AHRR: variants seen among roughly 807,000 people sequenced by gnomAD.
The protein encoded by AHRR is ahR repressor.
Under a neutral mutation model 44.0 loss-of-function variants are expected in AHRR, and 28 were observed. The ratio of observed to expected loss-of-function variants is 0.64; its 90% CI spans 0.47 to 0.87. The LOEUF (loss-of-function observed/expected upper bound fraction) is 0.87, where lower values mean the gene tolerates loss of function less well. Ranked by LOEUF, AHRR falls within the 40% of genes least tolerant of loss-of-function variation. AHRR has a pLI of 0.00. For missense variants in AHRR, 990 were observed against 953.9 expected, an observed-to-expected ratio of 1.04 and a Z score of -0.50; for synonymous variants, 434 against 407.0, an observed-to-expected ratio of 1.07 and a Z score of -0.80.
chr5:361,582 C>T (rs4957028), intron 3 of AHRR, among the ~76,000 whole-genome samples: 77,256 of 151,994 alleles, frequency 0.51, 19,933 homozygotes, highest in Non-Finnish European at 0.54. Flanking sequence ...GGAAAGAGGC[C>T]GGGCCTCTGG....
intron 8 of AHRR, chr5:432,207 A>G: frequency 4.4e-6 from 2 of 454,722 alleles, no homozygotes; most frequent in East Asian, 4.2e-5. Context: ...TTATCCTTCT[A>G]CTTTCTGAAG....
chr5:414,484 G>A (rs1735629702), intron 5 of AHRR, among the ~76,000 whole-genome samples: 2 of 151,962 alleles, frequency 1.3e-5, no homozygotes, highest in Non-Finnish European at 2.9e-5. Context: ...GCAAAAATGG[G>A]GCCCTTTATC....
chr5:385,300 AAAT>A (rs921109002), intron 4 of AHRR, among the ~76,000 whole-genome samples: 1 of 151,940 alleles, frequency 6.6e-6, no homozygotes, highest in Admixed American at 6.6e-5. Flanking sequence ...TCAGCCTCCC[AAAT>A]AATTAGGACT....
chr5:344,749 CTG>C (rs1299701236), intron 2 of AHRR, among the ~76,000 whole-genome samples: 1 of 34,266 alleles, frequency 2.9e-5, no homozygotes, highest in Non-Finnish European at 5.7e-5. Context: ...GCGGGGGGAG[CTG>C]TGTGTGTGTG....
At chr5:390,749 G>A (rs1180309000) in intron 4 of AHRR, among the ~76,000 whole-genome samples, 1 of 152,030 alleles carries the variant, frequency 6.6e-6, no homozygotes, top group Non-Finnish European at 1.5e-5. Context: ...CCACACCCTC[G>A]TGGACAAGGA....
chr5:339,153 G>A (rs1166666292), intron 1 of AHRR, among the ~76,000 whole-genome samples: 1 of 152,164 alleles, frequency 6.6e-6, no homozygotes, highest in Non-Finnish European at 1.5e-5. Context: ...CTGTCACTCA[G>A]GCTGGAGTGC....
chr5:346,353 ACAC>A (rs1429600629), intron 2 of AHRR, among the ~76,000 whole-genome samples: 2 of 152,168 alleles, frequency 1.3e-5, no homozygotes, highest in African/African-American at 4.8e-5. Flanking sequence ...GCTATTCAAA[ACAC>A]CAATACATAA....
rs1472693823 is a variant in AHRR at position 337,337 on chromosome 5, G to A, written c.-10-6556G>A. ...GTGTTTTAATGTGTATGTCTAAAAC[G>A]TGGATTTTAAAAAATCAGCTCTCTG... On this transcript the variant is annotated intron_variant, in intron 1 of 10. Transcript: ENST00000684583. The surrounding 1 kb of genome is among the most constrained non-coding windows in gnomAD (Gnocchi z 4.1). 6.6e-6 allele frequency among the ~76,000 whole-genome samples: 1 copy of A among 152,030 alleles called. No individual in the cohort carries two copies. The highest frequency in any genetic ancestry group is 1.9e-4 in the East Asian group (1 of 5,178).
chr5:344,948 G>GGT (rs1169560341), intron 2 of AHRR, among the ~76,000 whole-genome samples: 1 of 82,178 alleles, frequency 1.2e-5, no homozygotes, highest in Non-Finnish European at 2.7e-5. Flanking sequence ...GTGTGGGGGG[G>GGT]GTGTGTGTGT....
intron 2 of AHRR, among the ~76,000 whole-genome samples, chr5:344,994 T>C (rs62641919): frequency 0.15 from 15,375 of 99,694 alleles, 3,381 homozygotes; most frequent in African/African-American, 0.52. Context: ...TGTGAGGCTG[T>C]GTGTGGGGAG....
intron 1 of AHRR, among the ~76,000 whole-genome samples, chr5:336,806 T>C (rs1191391709): frequency 6.6e-6 from 1 of 152,234 alleles, no homozygotes; most frequent in African/African-American, 2.4e-5. Context: ...TACATTAAAG[T>C]CTTTAGTCAA....
intron 3 of AHRR, 51 bp from the exon 4 acceptor site, chr5:376,559 T>TGAATGAATGAGAACCGTGGGGAGAACGC: frequency 2.1e-5 from 5 of 241,104 alleles, no homozygotes; most frequent in South Asian, 3.7e-5. Context: ...TGAAGAAGAG[T>TGAATGAATGAGAACCGTGGGGAGAACGC]GGCCAGGCCA....
At chr5:332,291 A>T (rs1428482626) in intron 1 of AHRR, among the ~76,000 whole-genome samples, 8 of 139,268 alleles carry the variant, frequency 5.7e-5, no homozygotes, top group Non-Finnish European at 7.7e-5. Flanking sequence ...TTTTTAAGGC[A>T]GAGTCTCACT....
chr5:407,066 TTTAA>T (rs1379495883), intron 4 of AHRR, among the ~76,000 whole-genome samples: 1 of 152,244 alleles, frequency 6.6e-6, no homozygotes, highest in African/African-American at 2.4e-5. Context: ...TGCGCCATGA[TTTAA>T]TTATAGAGGC....
At chr5:354,705 A>G (rs773412573) in intron 3 of AHRR, among the ~76,000 whole-genome samples, 3 of 152,042 alleles carry the variant, frequency 2.0e-5, no homozygotes, top group Non-Finnish European at 4.4e-5. Context: ...CACTTTTAGA[A>G]TTAAAAACCC....
At chr5:428,156 G>A in intron 8 of AHRR, 150 bp downstream of exon 8, 1 of 931,500 alleles carries the variant, frequency 1.1e-6, no homozygotes. Context: ...CACAACATAG[G>A]CAGCAGCGAT....
chr5:421,309 C>T (rs1488115528), intron 5 of AHRR: 1 of 697,296 alleles, frequency 1.4e-6, no homozygotes, highest in Non-Finnish European at 2.6e-6. Context: ...GCAGGTGCCC[C>T]CACGGTCGCG....
intron 6 of AHRR, among the ~76,000 whole-genome samples, chr5:423,541 T>C (rs1209757282): frequency 6.6e-6 from 1 of 151,164 alleles, no homozygotes; most frequent in Non-Finnish European, 1.5e-5. Context: ...ATGATTGACC[T>C]TAAAACAGCA....
intron 3 of AHRR, among the ~76,000 whole-genome samples, chr5:371,643 C>A (rs1743585121): frequency 6.6e-6 from 1 of 152,202 alleles, no homozygotes; most frequent in Non-Finnish European, 1.5e-5. Flanking sequence ...CTGTCCTGGG[C>A]TGACCAGTCC....
Sources: gnomAD v4.1 joint callset for allele counts (sites outside exome capture counted in the v4.1 genomes callset) on GRCh38, gnomAD v4.1.1 for gene constraint, Gnocchi (gnomAD v3.1) non-coding constraint, MANE v1.5 for transcripts, NCBI Gene and HGNC (gene_info 2026-07-23, HGNC 2026-07-21) for gene names.